LARP1B: variants seen among roughly 807,000 people sequenced by gnomAD.
The protein encoded by LARP1B is La ribonucleoprotein 1B.
A neutral mutation model predicts 114.2 loss-of-function variants in LARP1B; 76 were observed. The ratio of observed to expected loss-of-function variants is 0.67; its 90% confidence interval spans 0.55 to 0.81. The LOEUF (loss-of-function observed/expected upper bound fraction) is 0.81. LARP1B is among the 30% of genes least tolerant of loss of function. The pLI, the probability that LARP1B is intolerant of heterozygous loss-of-function variation, is 0.00. For synonymous variants in LARP1B, 345 were observed against 348.0 expected, an observed-to-expected ratio of 0.99 and a Z score of 0.10; for missense variants, 1,014 against 1,075.8, an observed-to-expected ratio of 0.94 and a Z score of 0.80.
chr4:128,133,407 A>G (rs2150126593), intron 11 of LARP1B, among the ~76,000 whole-genome samples: 1 of 152,346 alleles, frequency 6.6e-6, no homozygotes, highest in Non-Finnish European at 1.5e-5. Flanking sequence ...ATGACTTAAT[A>G]TTATTAACAT....
Position 128,168,586 on chromosome 4 carries a change from G to T in LARP1B, c.1648+6269G>T, listed in dbSNP as rs114659167. ...CCAGTTGCAGTGGCTCACGTCATGT[G>T]GCTTGTCTTAATTAGTCTGTTTGTG... On this transcript the variant is annotated intron_variant, in intron 12 of 19. Transcript: ENST00000326639. Among the ~76,000 whole-genome samples the T allele has an allele frequency of 3.9e-3, 591 of 152,012 alleles. 3 individuals carry two copies. The highest frequency in any genetic ancestry group is 0.014 in the African/African-American group (569 of 41,488).
At chr4:128,120,067 C>G (rs940976469) in intron 10 of LARP1B, among the ~76,000 whole-genome samples, 4 of 152,030 alleles carry the variant, frequency 2.6e-5, no homozygotes, top group African/African-American at 9.7e-5. Context: ...TGTTTTACAA[C>G]TTGTCTTTTT....
Position 128,084,594 on chromosome 4 carries a change from C to T in LARP1B, c.358+2289C>T, listed in dbSNP as rs188634112. ...GCAGCAGTACAGTCCAGCTTCGGCT[C>T]GGCATCAGAGGGAGACCGAGAGGGA... On this transcript the variant is annotated intron_variant, in intron 5 of 19. Transcript: ENST00000326639. Among the ~76,000 whole-genome samples the T allele has an allele frequency of 4.0e-4, 61 of 150,826 alleles. No individual in the cohort carries two copies. In the East Asian group the frequency reaches 0.011, roughly 28 times the overall value.
chr4:128,165,494 A>G (rs1362018654), intron 12 of LARP1B, among the ~76,000 whole-genome samples: 1 of 152,152 alleles, frequency 6.6e-6, no homozygotes, highest in Non-Finnish European at 1.5e-5. Context: ...TATATGTCAT[A>G]ACATATGGAA....
rs189882127 is a variant in LARP1B, at chr4:128,102,434, G to A, written c.813+4104G>A. Among the ~76,000 whole-genome samples the A allele has an allele frequency of 3.3e-5, 5 of 152,254 alleles. No individual in the cohort carries two copies. The South Asian group carries it at 6.2e-4, about 19-fold the overall frequency. The stretch of plus-strand genomic sequence containing the variant: ...ATTATTGTTAGTCTTAAACGATGTC[G>A]TTCTGTTGATAACTCCTTTATCTTC... On this transcript the variant is annotated intron_variant, in intron 8 of 19. Coordinates refer to ENST00000326639, the MANE Select transcript of LARP1B (RefSeq NM_018078.4).
At chr4:128,199,186 C>T (rs1755162192) in intron 15 of LARP1B, among the ~76,000 whole-genome samples, 1 of 152,140 alleles carries the variant, frequency 6.6e-6, no homozygotes, top group African/African-American at 2.4e-5. Flanking sequence ...ATTCAGTTAT[C>T]TGCTTCTGCT....
chr4:128,086,005 T>C (rs913690729), intron 5 of LARP1B, among the ~76,000 whole-genome samples: 1 of 139,148 alleles, frequency 7.2e-6, no homozygotes, highest in African/African-American at 2.6e-5. Flanking sequence ...TTTGTCATGG[T>C]ATTCTTTTTT....
chr4:128,174,760 C>G (rs1017769581), intron 12 of LARP1B, among the ~76,000 whole-genome samples: 3 of 152,038 alleles, frequency 2.0e-5, no homozygotes, highest in Non-Finnish European at 4.4e-5. Context: ...ATCTCAAAAT[C>G]ATATCATTTC....
intron 8 of LARP1B, among the ~76,000 whole-genome samples, chr4:128,103,620 T>C (rs1489633439): frequency 6.8e-6 from 1 of 147,982 alleles, no homozygotes; most frequent in East Asian, 2.0e-4. Flanking sequence ...TGGAGTGCGG[T>C]GGCATGATCT....
intron 11 of LARP1B, among the ~76,000 whole-genome samples, chr4:128,125,506 G>A (rs566959522): frequency 1.4e-4 from 22 of 152,324 alleles, no homozygotes; most frequent in Admixed American, 1.3e-3. Context: ...CCAGCACTTC[G>A]GGAGGCCGAT....
intron 11 of LARP1B, among the ~76,000 whole-genome samples, chr4:128,156,363 C>T (rs1453210771): frequency 6.6e-6 from 1 of 152,158 alleles, no homozygotes; most frequent in East Asian, 1.9e-4. Context: ...CACAGTAGAG[C>T]CAGCTTGGGG....
chr4:128,101,521 A>G (rs538642958), intron 8 of LARP1B, among the ~76,000 whole-genome samples: 2 of 151,570 alleles, frequency 1.3e-5, no homozygotes, highest in Admixed American at 1.3e-4. Context: ...ATAGATAAGT[A>G]TATAAGGTTT....
chr4:128,111,424 G>A (rs1256593474), intron 9 of LARP1B, among the ~76,000 whole-genome samples: 1 of 152,028 alleles, frequency 6.6e-6, no homozygotes, highest in Admixed American at 6.6e-5. Context: ...TCTGGGCCAG[G>A]TGCAGTAGCT....
intron 12 of LARP1B, among the ~76,000 whole-genome samples, chr4:128,166,004 T>C (rs2150485196): frequency 6.6e-6 from 1 of 152,202 alleles, no homozygotes; most frequent in East Asian, 1.9e-4. Context: ...ATTATACTAA[T>C]GAGTATCAAA....
chr4:128,205,544 G>A (rs970250196), intron 17 of LARP1B, among the ~76,000 whole-genome samples: 9 of 152,106 alleles, frequency 5.9e-5, no homozygotes, highest in East Asian at 3.9e-4. Flanking sequence ...TCTCATTTAC[G>A]TAGTGATTAT....
At chr4:128,213,954 C>G (rs1046398223), downstream of LARP1B, among the ~76,000 whole-genome samples, 1 of 151,480 alleles carries the variant, frequency 6.6e-6, no homozygotes, top group African/African-American at 2.4e-5. Flanking sequence ...GTGCACCGTG[C>G]GCGAGCCGAA....
chr4:128,173,351 AC>A (rs1192862248), intron 12 of LARP1B, among the ~76,000 whole-genome samples: 2 of 152,152 alleles, frequency 1.3e-5, no homozygotes, highest in African/African-American at 2.4e-5. Flanking sequence ...TTACTATCTA[AC>A]ATTTGTAGGA....
At chr4:128,160,103 A>G (rs1185657573) in intron 11 of LARP1B, among the ~76,000 whole-genome samples, 1 of 152,206 alleles carries the variant, frequency 6.6e-6, no homozygotes, top group Non-Finnish European at 1.5e-5. Flanking sequence ...TTGTCTACCT[A>G]ACTGCAGTTG....
intron 10 of LARP1B, among the ~76,000 whole-genome samples, chr4:128,115,658 T>C (rs568718833): frequency 2.0e-5 from 3 of 152,330 alleles, no homozygotes; most frequent in South Asian, 2.1e-4. Context: ...TGAAAAAATA[T>C]GACTTTTATT....
Sources: gnomAD v4.1 joint callset for allele counts (sites outside exome capture counted in the v4.1 genomes callset) on GRCh38, gnomAD v4.1.1 for gene constraint, MANE v1.5 for transcripts, NCBI Gene and HGNC (gene_info 2026-07-23, HGNC 2026-07-21) for gene names.